LEF1: variants seen among roughly 807,000 people sequenced by gnomAD.
The protein encoded by LEF1 is lymphoid enhancer-binding factor 1.
Under a neutral mutation model 51.2 loss-of-function variants are expected in LEF1, and 14 were observed. The observed-to-expected ratio is 0.27, with a 90% CI of 0.18 to 0.43. The LOEUF is 0.43. LEF1 is among the 20% of genes least tolerant of loss of function. The probability of loss-of-function intolerance (pLI) is 1.00; values close to 1 mark genes in which losing one functional copy is unlikely to be tolerated. For synonymous variants in LEF1, 185 were observed against 183.2 expected (o/e 1.01, Z -0.08); for missense variants, 386 against 512.0 (o/e 0.75, Z 2.37).
intron 3 of LEF1, among the ~76,000 whole-genome samples, chr4:108,099,578 A>ATATATATATGTGTG (rs1740649333): frequency 2.3e-5 from 1 of 44,418 alleles, no homozygotes; most frequent in African/African-American, 1.3e-4. Flanking sequence ...GTGTATATAT[A>ATATATATATGTGTG]TATATATATA....
chr4:108,083,414 G>A lies in LEF1; in HGVS notation c.580C>T (p.Pro194Ser). 6.2e-7 allele frequency: 1 copy of A among 1,613,526 alleles called. No homozygotes were observed. Among genetic ancestry groups the A allele is most frequent in the Non-Finnish European group, 8.5e-7 (1 of 1,179,608 alleles). Residue 194 changes from proline (P) to serine (S), a missense_variant, in exon 5 of 12, where the codon CCT (proline) becomes TCT (serine). Pro to Ser is a moderately conservative substitution (Grantham distance 74). This residue lies in a region of LEF1 where 335 missense variants were observed against 390.7 expected (regional missense o/e 0.86). Transcript: ENST00000265165. The part of the protein sequence containing the change: ...MSRHPPAPDI[P>S]TFYPLSPGGV... ...CCCGGAGACAAGGGATAAAAAGTAG[G>A]GATATCAGGAGCTGGAGGATGTCTG...
At chr4:108,103,321 T>G (rs113181316) in intron 3 of LEF1, among the ~76,000 whole-genome samples, 1 of 152,238 alleles carries the variant, frequency 6.6e-6, no homozygotes, top group Non-Finnish European at 1.5e-5. Flanking sequence ...AGCCTTGTGA[T>G]TCCCAGGACA....
At chr4:108,134,164 A>AC (rs943058984) in intron 3 of LEF1, among the ~76,000 whole-genome samples, 1 of 40,754 alleles carries the variant, frequency 2.5e-5, no homozygotes, top group Admixed American at 4.1e-4. Flanking sequence ...CACCAAATTT[A>AC]CCAAAAAAAA....
intron 3 of LEF1, among the ~76,000 whole-genome samples, chr4:108,089,631 T>A (rs941257482): frequency 2.6e-5 from 4 of 152,234 alleles, no homozygotes; most frequent in African/African-American, 9.6e-5. Flanking sequence ...AATTTATGAA[T>A]GTTTTACAAC....
intron 3 of LEF1, among the ~76,000 whole-genome samples, chr4:108,146,001 T>C (rs369216253): frequency 7.2e-5 from 11 of 152,326 alleles, no homozygotes; most frequent in African/African-American, 2.6e-4. Flanking sequence ...GTATGCTATG[T>C]GAATTATATC....
intron 11 of LEF1, among the ~76,000 whole-genome samples, chr4:108,063,194 G>A (rs1002024687): frequency 1.3e-5 from 2 of 152,144 alleles, no homozygotes; most frequent in African/African-American, 2.4e-5. Context: ...TTTCAATTGA[G>A]AAAAAGTCTC....
intron 4 of LEF1, among the ~76,000 whole-genome samples, chr4:108,085,762 T>C (rs3797001): frequency 0.45 from 68,537 of 152,104 alleles, 17,692 homozygotes; most frequent in Middle Eastern, 0.68. Flanking sequence ...TTCTCTAACT[T>C]ACAGCTCTGA....
intron 3 of LEF1, among the ~76,000 whole-genome samples, chr4:108,105,919 TA>T (rs1410311026): frequency 6.6e-6 from 1 of 152,322 alleles, no homozygotes; most frequent in East Asian, 1.9e-4. Context: ...TGAAGGAGCC[TA>T]AGCGTTCAAT....
chr4:108,163,155 A>T lies in LEF1; in HGVS notation c.414+413T>A, dbSNP rs147760467. Among the ~76,000 whole-genome samples the T allele has an allele frequency of 3.1e-3, 466 of 152,346 alleles. 6 individuals carry two copies. The highest frequency in any genetic ancestry group is 0.011 in the African/African-American group (449 of 41,588). On this transcript the variant is annotated intron_variant, in intron 3 of 11. Transcript: ENST00000265165. ...GAAAAGCCAAAGTAACATAACAAAC[A>T]TTCAGCTCCAAATGAGCTAAAGTAG...
chr4:108,092,747 A>T (rs937415568), intron 3 of LEF1, among the ~76,000 whole-genome samples: 6 of 152,080 alleles, frequency 3.9e-5, no homozygotes, highest in Non-Finnish European at 8.8e-5. Flanking sequence ...AGAGTTATAC[A>T]TGCCCGTGTG....
intron 9 of LEF1, among the ~76,000 whole-genome samples, chr4:108,065,686 A>G (rs185930932): frequency 6.6e-6 from 1 of 152,290 alleles, no homozygotes; most frequent in African/African-American, 2.4e-5. Flanking sequence ...TAGAGCCACA[A>G]AATATATATG....
chr4:108,093,083 C>T (rs1578333917), intron 3 of LEF1, among the ~76,000 whole-genome samples: 1 of 151,884 alleles, frequency 6.6e-6, no homozygotes, highest in Non-Finnish European at 1.5e-5. Flanking sequence ...TATTTAGTAG[C>T]TTATTTTAGT....
intron 11 of LEF1, among the ~76,000 whole-genome samples, chr4:108,061,368 C>T (rs1023061464): frequency 1.3e-5 from 2 of 152,144 alleles, no homozygotes; most frequent in African/African-American, 4.8e-5. Flanking sequence ...CACTTTAGGA[C>T]AAAAATAGCC....
At chr4:108,132,714 C>T (rs1192278926) in intron 3 of LEF1, among the ~76,000 whole-genome samples, 1 of 121,772 alleles carries the variant, frequency 8.2e-6, no homozygotes, top group Non-Finnish European at 1.6e-5. Context: ...GTCACCCAGG[C>T]TAGAGTGCAA....
At chr4:108,107,424 G>C (rs1741239392) in intron 3 of LEF1, among the ~76,000 whole-genome samples, 1 of 151,978 alleles carries the variant, frequency 6.6e-6, no homozygotes, top group South Asian at 2.1e-4. Flanking sequence ...GAGACTATAG[G>C]TAATTTTCGT....
chr4:108,069,965 A>T (rs1738349532), intron 9 of LEF1, among the ~76,000 whole-genome samples: 1 of 152,024 alleles, frequency 6.6e-6, no homozygotes, highest in Non-Finnish European at 1.5e-5. Context: ...CTCAAAAAAA[A>T]AAAAAAACGC....
rs35000095 is a variant in LEF1, at chr4:108,167,351, TACACACACACACAC to T, written c.213+190_213+203del. Among the ~76,000 whole-genome samples the T allele has an allele frequency of 0.017, 2,205 of 131,768 alleles. 59 individuals are homozygous for T. Among genetic ancestry groups the T allele is most frequent in the African/African-American group, 0.054 (1,905 of 35,410 alleles). The allele number at this position is 131,768 out of a possible 152,430, so 86.4% of individuals were successfully genotyped here. A position where few individuals can be genotyped will look rare whatever the true frequency, so the allele number is the denominator to read the frequency against. On this transcript the variant is annotated intron_variant, in intron 1 of 11. Transcript: ENST00000265165. The surrounding 1 kb of genome is among the most constrained non-coding windows in gnomAD (Gnocchi z 5.7). ...TACCCTGCCCCTCTACCTCCCATCC[TACACACACACACAC>T]ACACACACACACACACACACACACA...
At chr4:108,152,214 C>T (rs1289857625) in intron 3 of LEF1, among the ~76,000 whole-genome samples, 1 of 152,054 alleles carries the variant, frequency 6.6e-6, no homozygotes, top group Non-Finnish European at 1.5e-5. Context: ...ACCCTGCTGG[C>T]AGGGAATAGA....
chr4:108,099,365 A>C (rs1416708276), intron 3 of LEF1, among the ~76,000 whole-genome samples: 1 of 151,388 alleles, frequency 6.6e-6, no homozygotes, highest in East Asian at 1.9e-4. Flanking sequence ...GCGTTTTTGA[A>C]ACAAAGCTTC....
Sources: allele counts gnomAD v4.1 joint callset (sites outside exome capture counted in the v4.1 genomes callset), GRCh38; gene constraint gnomAD v4.1.1; regional missense constraint gnomAD v4.1.1; non-coding constraint Gnocchi (gnomAD v3.1); transcripts MANE v1.5; gene names NCBI Gene and HGNC (gene_info 2026-07-23, HGNC 2026-07-21).